NF1: variants seen among roughly 807,000 people sequenced by gnomAD.
NF1 encodes the protein neurofibromin 1.
In NF1, 122 loss-of-function variants were observed where a neutral mutation model predicts 325.7. The observed-to-expected ratio is 0.37, with a 90% CI of 0.32 to 0.44. The LOEUF is 0.44. Among genes scored for constraint, NF1 ranks in the 20% least tolerant of loss-of-function variants. The pLI is 1.00. For synonymous variants in NF1, 1,091 were observed against 1,186.0 expected, an observed-to-expected ratio of 0.92 and a Z score of 1.65; for missense variants, 2,140 against 3,415.4, an observed-to-expected ratio of 0.63 and a Z score of 9.31.
intron 51 of NF1, among the ~76,000 whole-genome samples, chr17:31,354,745 T>C (rs945274761): frequency 6.6e-6 from 1 of 152,198 alleles, no homozygotes; most frequent in Non-Finnish European, 1.5e-5. Context: ...TACACACCTC[T>C]AGTCCCAGGA....
chr17:31,307,024 C>T (rs1394960280), intron 36 of NF1, among the ~76,000 whole-genome samples: 1 of 151,526 alleles, frequency 6.6e-6, no homozygotes, highest in African/African-American at 2.4e-5. Context: ...AAAATAATTA[C>T]AATAATTTTT....
intron 1 of NF1, among the ~76,000 whole-genome samples, chr17:31,144,782 A>C (rs1597613052): frequency 6.6e-6 from 1 of 152,316 alleles, no homozygotes; most frequent in East Asian, 1.9e-4. Flanking sequence ...GGAACTACAC[A>C]GTGTGCCTTT....
chr17:31,150,397 T>A (rs1916850539), intron 1 of NF1, among the ~76,000 whole-genome samples: 1 of 152,098 alleles, frequency 6.6e-6, no homozygotes, highest in Non-Finnish European at 1.5e-5. Flanking sequence ...CCAGTACAAT[T>A]TGTGTTTTTG....
chr17:31,139,220 G>C (rs2143518443), intron 1 of NF1, among the ~76,000 whole-genome samples: 1 of 152,178 alleles, frequency 6.6e-6, no homozygotes, highest in East Asian at 1.9e-4. Flanking sequence ...GCTAAATTTT[G>C]TATTTTTAGT....
Position 31,201,397 on chromosome 17 carries a change from T to C in NF1, c.1186-14T>C, listed in dbSNP as rs1238336749. On this transcript the variant is annotated splice_polypyrimidine_tract_variant and intron_variant, in intron 10 of 57. Transcript: ENST00000358273. The stretch of plus-strand genomic sequence containing the variant: ...TCATAGAAATAATCTGCTTTTTTTT[T>C]TCTTTTTCTATAGATCTGCCTGGCT... 2 of 1,604,710 alleles carry C rather than the reference T, an allele frequency of 1.2e-6. No individual in the cohort carries two copies. Among genetic ancestry groups the C allele is most frequent in the South Asian group, 2.2e-5 (2 of 89,346 alleles).
intron 1 of NF1, among the ~76,000 whole-genome samples, chr17:31,102,971 A>C (rs1319202803): frequency 6.6e-6 from 1 of 151,314 alleles, no homozygotes; most frequent in Non-Finnish European, 1.5e-5. Flanking sequence ...TCAGCCTCCC[A>C]AGTAGCTGGC....
intron 13 of NF1, among the ~76,000 whole-genome samples, chr17:31,218,503 C>G (rs903012528): frequency 6.6e-6 from 1 of 152,122 alleles, no homozygotes; most frequent in African/African-American, 2.4e-5. Flanking sequence ...AGTATATTTA[C>G]AAGGTTCTGC....
At position 31,221,888 on chromosome 17, in the gene NF1, G is replaced by A. The variant is rs773225166; in HGVS notation, c.1680G>A (p.Leu560=). 8 of 1,606,898 alleles carry A rather than the reference G, an allele frequency of 5.0e-6. No homozygotes were observed. The South Asian group carries it at 8.8e-5, about 18-fold the overall frequency. Residue 560 remains leucine (L), a synonymous_variant, in exon 15 of 58, where the codon TTG becomes TTA. Transcript: ENST00000358273. ...LVLHQLDSID[L]WNPDAPVETF... is the part of the protein sequence containing the mutation. Reference sequence around the variant, plus strand: ...TTCATCAGTTAGATAGCATTGATTTGTGGAATCCTGATGCTCCTGTAGAAA... The same window carrying A: ...TTCATCAGTTAGATAGCATTGATTTATGGAATCCTGATGCTCCTGTAGAAA...
chr17:31,240,286 C>T (rs1428078565), intron 29 of NF1, among the ~76,000 whole-genome samples: 2 of 151,780 alleles, frequency 1.3e-5, no homozygotes, highest in Non-Finnish European at 2.9e-5. Flanking sequence ...TCCATGAGTT[C>T]AATTGTTTTA....
chr17:31,208,278 A>G (rs2066659429), intron 12 of NF1, among the ~76,000 whole-genome samples: 2 of 152,222 alleles, frequency 1.3e-5, no homozygotes, highest in Admixed American at 6.5e-5. Context: ...TGTTATATGT[A>G]TGTATATTTG....
At chr17:31,258,294 C>T (rs1246018158) in intron 31 of NF1, 50 bp from the exon 32 acceptor site, 6 of 1,604,842 alleles carry the variant, frequency 3.7e-6, no homozygotes, top group Non-Finnish European at 5.1e-6. Context: ...GTTTTCATGT[C>T]TTTATATTAA....
At chr17:31,227,470 G>A (rs2151427300) in intron 19 of NF1, 53 bp from the exon 20 acceptor site, 1 of 1,576,566 alleles carries the variant, frequency 6.3e-7, no homozygotes, top group Non-Finnish European at 8.7e-7. Context: ...GTAGCTGATT[G>A]ATGTTTAGCT....
chr17:31,333,846 G>A (rs963069920), intron 39 of NF1, among the ~76,000 whole-genome samples: 5 of 152,176 alleles, frequency 3.3e-5, no homozygotes, highest in Non-Finnish European at 5.9e-5. Flanking sequence ...ATTTTGTGTT[G>A]TGTATATTTT....
Position 31,095,181 on chromosome 17 carries a change from C to T in NF1, c.-129C>T, listed in dbSNP as rs1430198322. The T allele has an allele frequency of 1.9e-5, 15 of 796,700 alleles. No homozygotes were observed. Among genetic ancestry groups the T allele is most frequent in the Non-Finnish European group, 2.7e-5 (13 of 476,790 alleles). 49.4% of individuals were successfully genotyped at this position (796,700 alleles called of 1,614,324 possible). A position where few individuals can be genotyped will look rare whatever the true frequency, so the allele number is the denominator to read the frequency against. The stretch of plus-strand genomic sequence containing the variant: ...CCCCATCCCCACCCCCGTGGGAACA[C>T]TGGGAGCCTGCACTCCACAGACCCT... On this transcript the variant is annotated 5_prime_UTR_variant, in exon 1 of 58. Transcript: ENST00000358273.
At chr17:31,254,273 C>CAAAAAAAAAA (rs35958218) in intron 31 of NF1, 1 of 75,736 alleles carries the variant, frequency 1.3e-5, no homozygotes, top group Non-Finnish European at 2.6e-5. Flanking sequence ...CCCTGTCTCA[C>CAAAAAAAAAA]AAAAAAAAAA....
intron 3 of NF1, among the ~76,000 whole-genome samples, chr17:31,161,556 A>G (rs1402575512): frequency 1.3e-5 from 2 of 152,238 alleles, no homozygotes; most frequent in African/African-American, 4.8e-5. Flanking sequence ...ATTGTGTGTT[A>G]ATTGTAAAGT....
At chr17:31,114,837 G>C (rs1913759763) in intron 1 of NF1, among the ~76,000 whole-genome samples, 1 of 152,180 alleles carries the variant, frequency 6.6e-6, no homozygotes. Flanking sequence ...CTGGGCGACA[G>C]AGCAAGACTC....
In NF1 at chr17:31,356,951, TTGC is replaced by T; in HGVS notation, c.7739-5_7739-3del. The T allele has an allele frequency of 6.2e-7, 1 of 1,613,764 alleles. No homozygotes were observed. ...TGTTTGATCACGTTAATTCCCTATC[TTGC>T]TGCAGAAACTCAGAGGATTTCCTCA... On this transcript the variant is annotated splice_region_variant and splice_polypyrimidine_tract_variant and intron_variant, in intron 52 of 57. Transcript: ENST00000358273.
At chr17:31,288,143 A>G (rs1439696407) in intron 36 of NF1, among the ~76,000 whole-genome samples, 2 of 152,074 alleles carry the variant, frequency 1.3e-5, no homozygotes, top group Admixed American at 6.5e-5. Flanking sequence ...AAAATAAAAA[A>G]TAAAATAACT....
Sources: gnomAD v4.1 joint callset for allele counts (sites outside exome capture counted in the v4.1 genomes callset) on GRCh38, gnomAD v4.1.1 for gene constraint, MANE v1.5 for transcripts, NCBI Gene and HGNC (gene_info 2026-07-23, HGNC 2026-07-21) for gene names.